Variants in PTPRD observed in about 807,000 individuals in gnomAD.
PTPRD encodes protein tyrosine phosphatase receptor type D, also known as receptor-type tyrosine-protein phosphatase delta.
A neutral mutation model predicts 214.5 loss-of-function variants in PTPRD; 34 were observed. That is an observed-to-expected ratio of 0.16 (90% CI 0.12 to 0.21). PTPRD has a LOEUF of 0.21. PTPRD is among the 10% of genes least tolerant of loss of function. PTPRD has a pLI of 1.00. For synonymous variants in PTPRD, 1,128 were observed against 845.7 expected (o/e 1.33, Z -5.79); for missense variants, 2,545 against 2,398.7 (o/e 1.06, Z -1.27).
chr9:10,549,257 G>A (rs80348702), intron 2 of PTPRD, among the ~76,000 whole-genome samples: 2,047 of 152,186 alleles, frequency 0.013, 42 homozygotes, highest in African/African-American at 0.045. Context: ...ATAATGCAAT[G>A]TTGTGTCAAA....
intron 3 of PTPRD, among the ~76,000 whole-genome samples, chr9:10,202,012 A>G (rs1353775024): frequency 6.6e-6 from 1 of 152,040 alleles, no homozygotes; most frequent in Non-Finnish European, 1.5e-5. Context: ...TATATTTTGA[A>G]CAGTTGATCA....
chr9:10,593,740 G>A (rs376678580), intron 2 of PTPRD, among the ~76,000 whole-genome samples: 2 of 151,898 alleles, frequency 1.3e-5, no homozygotes, highest in East Asian at 1.9e-4. Context: ...GTTAATGAAT[G>A]ATTTTAAAAT....
At chr9:9,368,281 G>A (rs1379803959) in intron 9 of PTPRD, among the ~76,000 whole-genome samples, 1 of 151,298 alleles carries the variant, frequency 6.6e-6, no homozygotes, top group African/African-American at 2.4e-5. Flanking sequence ...TATGACTTGA[G>A]CCTCACAGGA....
chr9:9,387,546 A>G (rs1434680381), intron 9 of PTPRD, among the ~76,000 whole-genome samples: 3 of 152,146 alleles, frequency 2.0e-5, no homozygotes, highest in African/African-American at 4.8e-5. Context: ...GGCTGAAAAA[A>G]ATTCCCTCCT....
chr9:9,041,224 T>C (rs1387865365), intron 10 of PTPRD, among the ~76,000 whole-genome samples: 1 of 152,188 alleles, frequency 6.6e-6, no homozygotes, highest in East Asian at 1.9e-4. Context: ...CTTTAACTTT[T>C]ATTTTAAGCT....
chr9:9,822,822 C>T lies in PTPRD; in HGVS notation c.-367-55971G>A, dbSNP rs190187678. On this transcript the variant is annotated intron_variant, in intron 5 of 45. Transcript: ENST00000381196. ...ATTCTCAGCGAAATAATAATAGATG[C>T]TGGTGAGGATGTGGAGAAAAGGGAA... Among the ~76,000 whole-genome samples, 14 of 151,932 alleles carry T rather than the reference C, an allele frequency of 9.2e-5. 1 individual carries two copies. The highest frequency in any genetic ancestry group is 3.4e-4 in the African/African-American group (14 of 41,368).
intron 3 of PTPRD, among the ~76,000 whole-genome samples, chr9:10,190,759 A>G (rs1379762067): frequency 6.7e-6 from 1 of 149,442 alleles, no homozygotes; most frequent in Non-Finnish European, 1.5e-5. Flanking sequence ...AGTGGTGTTC[A>G]GATCAGCATT....
chr9:9,233,311 G>C (rs1320827260), intron 9 of PTPRD, among the ~76,000 whole-genome samples: 1 of 152,106 alleles, frequency 6.6e-6, no homozygotes, highest in East Asian at 1.9e-4. Context: ...TCACTATCAT[G>C]AGAACAATAT....
At chr9:8,686,571 A>G (rs955379061) in intron 12 of PTPRD, among the ~76,000 whole-genome samples, 1 of 152,178 alleles carries the variant, frequency 6.6e-6, no homozygotes, top group Non-Finnish European at 1.5e-5. Flanking sequence ...CATTTTAGAA[A>G]TAAGTGAAGG....
intron 11 of PTPRD, among the ~76,000 whole-genome samples, chr9:8,911,375 G>T (rs2098745987): frequency 6.8e-6 from 1 of 147,652 alleles, no homozygotes; most frequent in South Asian, 2.2e-4. Flanking sequence ...TGGGTTGGGA[G>T]AACTGGATGC....
intron 3 of PTPRD, among the ~76,000 whole-genome samples, chr9:10,119,090 T>A (rs1434523395): frequency 6.6e-6 from 1 of 151,820 alleles, no homozygotes; most frequent in African/African-American, 2.4e-5. Context: ...AAGAAACACC[T>A]CCTAAGTAAT....
chr9:10,160,516 T>C (rs541767284), intron 3 of PTPRD, among the ~76,000 whole-genome samples: 1 of 151,820 alleles, frequency 6.6e-6, no homozygotes, highest in African/African-American at 2.4e-5. Context: ...AAGCATTCAA[T>C]ACAATATAAT....
Position 9,376,722 on chromosome 9 carries a change from T to C in PTPRD, c.-203+20727A>G, listed in dbSNP as rs184171308. Reference sequence around the variant, plus strand: ...AAAGCTTTTAATAGGACTGTAAGACTGAAATAGAACCCCTCGGGTCTCTTA... The same window carrying C: ...AAAGCTTTTAATAGGACTGTAAGACCGAAATAGAACCCCTCGGGTCTCTTA... On this transcript the variant is annotated intron_variant, in intron 9 of 45. Transcript: ENST00000381196. Among the ~76,000 whole-genome samples the C allele has an allele frequency of 1.6e-3, 238 of 152,242 alleles. 1 individual carries two copies. Among genetic ancestry groups the C allele is most frequent in the Non-Finnish European group, 2.3e-3 (155 of 67,984 alleles).
chr9:9,008,653 G>C (rs900218452), intron 11 of PTPRD, among the ~76,000 whole-genome samples: 11 of 152,154 alleles, frequency 7.2e-5, no homozygotes, highest in Admixed American at 7.2e-4. Context: ...GAAAGGAAGT[G>C]TGAAGAAATC....
intron 3 of PTPRD, among the ~76,000 whole-genome samples, chr9:10,138,687 A>T (rs1222910709): frequency 1.3e-5 from 2 of 152,140 alleles, no homozygotes; most frequent in Admixed American, 6.6e-5. Context: ...GCAGCACATC[A>T]AAAAGTTAGT....
At chr9:9,326,741 A>C (rs2040097019) in intron 9 of PTPRD, among the ~76,000 whole-genome samples, 1 of 152,080 alleles carries the variant, frequency 6.6e-6, no homozygotes, top group Admixed American at 6.6e-5. Flanking sequence ...AGAATCTCAA[A>C]CAGAAATATG....
chr9:8,778,822 C>G (rs1305106095), intron 11 of PTPRD, among the ~76,000 whole-genome samples: 1 of 152,044 alleles, frequency 6.6e-6, no homozygotes, highest in Non-Finnish European at 1.5e-5. Context: ...GAAATAATAT[C>G]ATACAGAGCC....
intron 2 of PTPRD, among the ~76,000 whole-genome samples, chr9:10,368,723 T>C (rs1170526639): frequency 6.6e-6 from 1 of 152,086 alleles, no homozygotes; most frequent in Non-Finnish European, 1.5e-5. Flanking sequence ...AATCTTTTCT[T>C]AAACATATGA....
intron 7 of PTPRD, among the ~76,000 whole-genome samples, chr9:9,646,558 T>A (rs904094169): frequency 6.6e-6 from 1 of 152,162 alleles, no homozygotes; most frequent in African/African-American, 2.4e-5. Flanking sequence ...ATACTGAGAA[T>A]CAATGTGTTT....
Sources: gnomAD v4.1 joint callset for allele counts (sites outside exome capture counted in the v4.1 genomes callset) on GRCh38, gnomAD v4.1.1 for gene constraint, MANE v1.5 for transcripts, NCBI Gene and HGNC (gene_info 2026-07-23, HGNC 2026-07-21) for gene names.